The following CLDN14 variants were observed in gnomAD, a reference collection of about 807,000 sequenced individuals.
CLDN14 encodes the protein claudin 14.
CLDN14 carries 2 observed loss-of-function variants against 2.1 expected under a neutral mutation model. That is an observed-to-expected ratio of 0.96 (90% CI 0.39 to 3.01). The LOEUF (loss-of-function observed/expected upper bound fraction) is 3.01. CLDN14 is among the 30% of genes most tolerant of loss of function. The probability of loss-of-function intolerance (pLI) is 0.09; values close to 1 mark genes in which losing one functional copy is unlikely to be tolerated. For synonymous variants in CLDN14, 136 were observed against 154.4 expected, an observed-to-expected ratio of 0.88 and a Z score of 0.88; for missense variants, 298 against 328.0, an observed-to-expected ratio of 0.91 and a Z score of 0.71.
chr21:36,555,806 A>AGT (rs142473999), intron 1 of CLDN14, among the ~76,000 whole-genome samples: 2,284 of 143,336 alleles, frequency 0.016, 32 homozygotes, highest in African/African-American at 0.023. Context: ...TCTATAGGTC[A>AGT]GTGTGTGTGT....
At chr21:36,474,000 G>A (rs913622716) in intron 1 of CLDN14, among the ~76,000 whole-genome samples, 1 of 152,208 alleles carries the variant, frequency 6.6e-6, no homozygotes, top group Non-Finnish European at 1.5e-5. Flanking sequence ...GATAAGCTCA[G>A]TTTCGGCGGA....
chr21:36,543,107 C>T (rs1054356731), intron 1 of CLDN14, among the ~76,000 whole-genome samples: 1 of 152,212 alleles, frequency 6.6e-6, no homozygotes, highest in African/African-American at 2.4e-5. Flanking sequence ...TCCCACCCTA[C>T]ACCGCAAGTA....
At chr21:36,467,555 C>G (rs969158523) in intron 1 of CLDN14, among the ~76,000 whole-genome samples, 9 of 152,104 alleles carry the variant, frequency 5.9e-5, no homozygotes, top group Non-Finnish European at 1.0e-4. Flanking sequence ...CACCATTGGT[C>G]CAAGTGACTG....
intron 1 of CLDN14, among the ~76,000 whole-genome samples, chr21:36,556,555 G>A (rs1228653711): frequency 2.0e-5 from 3 of 152,156 alleles, no homozygotes; most frequent in East Asian, 3.8e-4. Context: ...TGACTATGTC[G>A]CTTCTTTCCT....
intron 1 of CLDN14, among the ~76,000 whole-genome samples, chr21:36,543,920 T>G (rs966241856): frequency 6.6e-6 from 1 of 152,204 alleles, no homozygotes; most frequent in African/African-American, 2.4e-5. Context: ...ATTCCTAAAG[T>G]GGGAGAGAGC....
intron 1 of CLDN14, among the ~76,000 whole-genome samples, chr21:36,553,801 A>C (rs143999225): frequency 6.6e-6 from 1 of 152,198 alleles, no homozygotes; most frequent in African/African-American, 2.4e-5. Flanking sequence ...TGTGTGTGAG[A>C]TGAGGGATGA....
Position 36,546,424 on chromosome 21 carries a change from A to T in CLDN14, c.-220+29987T>A, listed in dbSNP as rs1380804731. 2.0e-5 allele frequency among the ~76,000 whole-genome samples: 3 copies of T among 152,036 alleles called. No individual in the cohort carries two copies. The East Asian group carries it at 5.8e-4, about 29-fold the overall frequency. The stretch of plus-strand genomic sequence containing the variant: ...CAATGGGCTTATTTTTTATCACTAG[A>T]CACTGTGATACTTCTAACTAATCAT... On this transcript the variant is annotated intron_variant, in intron 1 of 2. Transcript: ENST00000342108.
chr21:36,574,432 C>T (rs1037389720), intron 1 of CLDN14, among the ~76,000 whole-genome samples: 1 of 152,130 alleles, frequency 6.6e-6, no homozygotes, highest in Non-Finnish European at 1.5e-5. Context: ...AAATACAACA[C>T]AGTAAGCAAA....
At position 36,534,450 on chromosome 21, in the gene CLDN14, A is replaced by C. The variant is rs539227732; in HGVS notation, c.-219-23950T>G. Among the ~76,000 whole-genome samples, 5 of 152,236 alleles carry C rather than the reference A, an allele frequency of 3.3e-5. 1 individual carries two copies. Among genetic ancestry groups the C allele is most frequent in the African/African-American group, 1.2e-4 (5 of 41,532 alleles). On this transcript the variant is annotated intron_variant, in intron 1 of 2. Transcript: ENST00000342108. ...TTCAAAGCTCTTTGACAAGTACAGG[A>C]TGATAAAAACATATGGGTTTAGGAC...
chr21:36,490,909 C>T (rs988893957), intron 2 of CLDN14, among the ~76,000 whole-genome samples: 4 of 151,950 alleles, frequency 2.6e-5, no homozygotes, highest in Non-Finnish European at 5.9e-5. Context: ...TCAACGTGCA[C>T]ATATGCCAAC....
intron 1 of CLDN14, chr21:36,466,554 C>A (rs1282439623): frequency 6.6e-6 from 1 of 152,176 alleles, no homozygotes; most frequent in Admixed American, 6.5e-5. Context: ...GTGGAAACCA[C>A]CGACATGATT....
Position 36,461,344 on chromosome 21 carries a change from C to G in CLDN14, c.352G>C (p.Ala118Pro), listed in dbSNP as rs377333347. 17 of 1,613,536 alleles carry G rather than the reference C, an allele frequency of 1.1e-5. No homozygotes were observed. The African/African-American group carries it at 2.0e-4, about 19-fold the overall frequency. ...ATGAAGAGGGTGCCGCCGAGGATGG[C>G]AAAGGTGGTCTTGGCGGGTGTGCCC... ...AKGTPAKTTF[A>P]ILGGTLFILA... Residue 118 changes from alanine to proline, a missense_variant, in exon 2 of 2, where the codon GCC (alanine) becomes CCC (proline). By Grantham distance (27) the Ala-to-Pro change is conservative. Transcript: ENST00000399135.
At chr21:36,508,857 G>A (rs2146482734) in intron 2 of CLDN14, among the ~76,000 whole-genome samples, 1 of 152,326 alleles carries the variant, frequency 6.6e-6, no homozygotes, top group Admixed American at 6.5e-5. Flanking sequence ...GCCTCGAGGG[G>A]CTGGCTTCAG....
At chr21:36,478,869 T>C (rs576035147) in intron 1 of CLDN14, among the ~76,000 whole-genome samples, 2 of 152,282 alleles carry the variant, frequency 1.3e-5, no homozygotes, top group South Asian at 4.1e-4. Context: ...CTGTTGGGGA[T>C]GTGGGGCCCC....
At chr21:36,572,869 C>G (rs2087718676) in intron 1 of CLDN14, among the ~76,000 whole-genome samples, 1 of 152,182 alleles carries the variant, frequency 6.6e-6, no homozygotes, top group African/African-American at 2.4e-5. Context: ...TAGATGCCTC[C>G]TAAATAATAG....
chr21:36,472,227 G>A (rs74883685), intron 1 of CLDN14, among the ~76,000 whole-genome samples: 3,592 of 152,294 alleles, frequency 0.024, 79 homozygotes, highest in Admixed American at 0.067. Flanking sequence ...CCAGGAGGCC[G>A]AGCCAAGGTG....
At chr21:36,558,337 G>T (rs951806328) in intron 1 of CLDN14, among the ~76,000 whole-genome samples, 31 of 152,224 alleles carry the variant, frequency 2.0e-4, no homozygotes, top group African/African-American at 7.2e-4. Flanking sequence ...TTGGAATTTT[G>T]ATAGAGATTA....
intron 2 of CLDN14, among the ~76,000 whole-genome samples, chr21:36,496,518 C>A (rs528335806): frequency 2.7e-5 from 4 of 148,978 alleles, no homozygotes; most frequent in African/African-American, 1.0e-4. Flanking sequence ...CTTCTAGGGA[C>A]GAATCCCTCC....
chr21:36,567,119 C>T (rs1242156003), intron 1 of CLDN14, among the ~76,000 whole-genome samples: 1 of 152,216 alleles, frequency 6.6e-6, no homozygotes, highest in East Asian at 1.9e-4. Context: ...CGAGAAAAGA[C>T]AGGCTGACAT....
Sources: allele counts gnomAD v4.1 joint callset (sites outside exome capture counted in the v4.1 genomes callset), GRCh38; gene constraint gnomAD v4.1.1; transcripts MANE v1.5; gene names NCBI Gene and HGNC (gene_info 2026-07-23, HGNC 2026-07-21).